DUSP22: variants seen among roughly 807,000 people sequenced by gnomAD.
DUSP22 encodes dual specificity protein phosphatase 22.
Under a neutral mutation model 24.5 loss-of-function variants are expected in DUSP22, and 24 were observed. The observed-to-expected ratio is 0.98, with a 90% CI of 0.71 to 1.38. The LOEUF (loss-of-function observed/expected upper bound fraction) is 1.38, where lower values mean the gene tolerates loss of function less well. DUSP22 is among the 40% of genes most tolerant of loss of function. The pLI, the probability that DUSP22 is intolerant of heterozygous loss-of-function variation, is 0.00. For synonymous variants in DUSP22, 160 were observed against 106.4 expected, an observed-to-expected ratio of 1.50 and a Z score of -3.10; for missense variants, 330 against 269.2, an observed-to-expected ratio of 1.23 and a Z score of -1.58.
chr6:310,661 T>A (rs1396440336), intron 2 of DUSP22, among the ~76,000 whole-genome samples: 2 of 152,302 alleles, frequency 1.3e-5, no homozygotes, highest in African/African-American at 2.4e-5. Context: ...GGCAGTTTCC[T>A]TTGTCTTCTA....
intron 1 of DUSP22, among the ~76,000 whole-genome samples, chr6:303,419 A>T (rs575948753): frequency 5.2e-5 from 8 of 152,424 alleles, no homozygotes; most frequent in Admixed American, 4.6e-4. Context: ...GACATGAGCC[A>T]CAATAGATCC....
intron 3 of DUSP22, among the ~76,000 whole-genome samples, chr6:318,394 C>A (rs1302341370): frequency 6.6e-6 from 1 of 152,428 alleles, no homozygotes; most frequent in African/African-American, 2.4e-5. Flanking sequence ...ATTCAGGGCA[C>A]AGGGACTTGT....
intron 2 of DUSP22, among the ~76,000 whole-genome samples, chr6:307,900 C>G (rs1476774121): frequency 3.3e-5 from 5 of 152,302 alleles, no homozygotes; most frequent in African/African-American, 1.2e-4. Context: ...CTGCTGTCAG[C>G]TTACTGAGAC....
chr6:294,066 TTTA>T (rs1314037639), intron 1 of DUSP22, among the ~76,000 whole-genome samples: 1 of 152,306 alleles, frequency 6.6e-6, no homozygotes, highest in African/African-American at 2.4e-5. Flanking sequence ...GTTTTCAGCA[TTTA>T]ATTTATAGTA....
intron 2 of DUSP22, among the ~76,000 whole-genome samples, chr6:306,344 A>G (rs1369086229): frequency 6.6e-6 from 1 of 152,310 alleles, no homozygotes. Context: ...TAATCATGAA[A>G]GGTTACTTTT....
In DUSP22 at chr6:349,927, C is replaced by A; in HGVS notation, c.*976C>A. On this transcript the variant is annotated 3_prime_UTR_variant, in exon 7 of 7. Transcript: ENST00000419235. Reference sequence around the variant, plus strand: ...CCAGCTTCATTCACTCCCAGCCTCTCGCTGTCCTCACTTTGCAGGGGCTCC... The same window carrying A: ...CCAGCTTCATTCACTCCCAGCCTCTAGCTGTCCTCACTTTGCAGGGGCTCC... 1.0e-6 allele frequency: 1 copy of A among 985,912 alleles called. No homozygotes were observed. Among genetic ancestry groups the A allele is most frequent in the Non-Finnish European group, 1.2e-6 (1 of 830,176 alleles). The allele number at this position is 985,912 out of a possible 1,614,324, so 61.1% of individuals were successfully genotyped here. A position where few individuals can be genotyped will look rare whatever the true frequency, so the allele number is the denominator to read the frequency against.
chr6:324,384 A>T (rs1170633245), intron 3 of DUSP22, among the ~76,000 whole-genome samples: 1 of 152,306 alleles, frequency 6.6e-6, no homozygotes, highest in East Asian at 1.9e-4. Context: ...ACGCTCTCCC[A>T]CCCACACCTG....
At chr6:329,971 G>A (rs1759066871) in intron 3 of DUSP22, among the ~76,000 whole-genome samples, 1 of 152,204 alleles carries the variant, frequency 6.6e-6, no homozygotes, top group African/African-American at 2.4e-5. Context: ...AGTCGCTCTT[G>A]AGAGTTCGCT....
At chr6:336,288 C>G (rs1346980153) in intron 4 of DUSP22, among the ~76,000 whole-genome samples, 1 of 152,308 alleles carries the variant, frequency 6.6e-6, no homozygotes, top group Admixed American at 6.5e-5. Context: ...TACTGCATGT[C>G]ACAGGGAAGT....
At chr6:312,874 T>G (rs2127398722) in intron 3 of DUSP22, among the ~76,000 whole-genome samples, 1 of 152,422 alleles carries the variant, frequency 6.6e-6, no homozygotes, top group South Asian at 2.1e-4. Context: ...CTACTAAACA[T>G]TGTAGTACCA....
At position 350,382 on chromosome 6, in the gene DUSP22, C is replaced by G. The variant is rs1760139147; in HGVS notation, c.*1431C>G. 9.2e-7 allele frequency: 1 copy of G among 1,087,632 alleles called. No individual in the cohort carries two copies. Among genetic ancestry groups the G allele is most frequent in the Non-Finnish European group, 1.1e-6 (1 of 892,232 alleles). The allele number at this position is 1,087,632 out of a possible 1,614,324, so 67.4% of individuals were successfully genotyped here. A position where few individuals can be genotyped will look rare whatever the true frequency, so the allele number is the denominator to read the frequency against. The stretch of plus-strand genomic sequence containing the variant: ...TACCGACTCAGATTCCTTAAGCATG[C>G]AGAGTCACTCGAATGAAAAAACATA... On this transcript the variant is annotated 3_prime_UTR_variant, in exon 7 of 7. Coordinates refer to ENST00000419235, the MANE Select transcript of DUSP22 (RefSeq NM_001286555.3).
chr6:318,413 T>G (rs964656554), intron 3 of DUSP22, among the ~76,000 whole-genome samples: 3 of 152,300 alleles, frequency 2.0e-5, no homozygotes, highest in African/African-American at 7.2e-5. Flanking sequence ...GTGTTCTGGT[T>G]GTAAAGGGAG....
At chr6:335,510 G>A (rs892452119) in intron 4 of DUSP22, among the ~76,000 whole-genome samples, 3 of 152,302 alleles carry the variant, frequency 2.0e-5, no homozygotes, top group African/African-American at 4.8e-5. Flanking sequence ...CTAAAGCAGC[G>A]CTGTCCAATA....
At chr6:336,403 G>A (rs1001209552) in intron 4 of DUSP22, among the ~76,000 whole-genome samples, 6 of 152,308 alleles carry the variant, frequency 3.9e-5, no homozygotes, top group Non-Finnish European at 5.9e-5. Context: ...GATCAGGAGT[G>A]CAGACCATGT....
At chr6:342,850 A>T (rs561717736) in intron 4 of DUSP22, among the ~76,000 whole-genome samples, 1 of 152,310 alleles carries the variant, frequency 6.6e-6, no homozygotes, top group Non-Finnish European at 1.5e-5. Context: ...GGAAGACAGG[A>T]TGTCCTTCCC....
chr6:331,431 T>A (rs1328470356), intron 3 of DUSP22, among the ~76,000 whole-genome samples: 1 of 150,138 alleles, frequency 6.7e-6, no homozygotes, highest in African/African-American at 2.5e-5. Context: ...TTTTTATTGC[T>A]TTTTTTTTAA....
At chr6:295,293 G>A (rs534790258) in intron 1 of DUSP22, among the ~76,000 whole-genome samples, 12 of 152,394 alleles carry the variant, frequency 7.9e-5, no homozygotes, top group East Asian at 7.7e-4. Flanking sequence ...AACAGTGCAC[G>A]CTGCATTCTG....
chr6:316,406 G>A (rs532652770), intron 3 of DUSP22, among the ~76,000 whole-genome samples: 12 of 152,420 alleles, frequency 7.9e-5, no homozygotes, highest in South Asian at 2.1e-4. Context: ...ATCCTCCTTC[G>A]CCTGTTTCTG....
chr6:341,106 C>G (rs1424613786), intron 4 of DUSP22, among the ~76,000 whole-genome samples: 1 of 152,304 alleles, frequency 6.6e-6, no homozygotes, highest in South Asian at 2.1e-4. Context: ...CCTGGAGGTG[C>G]CCCTGCTGCA....
Sources: gnomAD v4.1 joint callset for allele counts (sites outside exome capture counted in the v4.1 genomes callset) on GRCh38, gnomAD v4.1.1 for gene constraint, MANE v1.5 for transcripts, NCBI Gene and HGNC (gene_info 2026-07-23, HGNC 2026-07-21) for gene names.